Variants in SLCO2A1 observed in about 807,000 individuals in gnomAD.
SLCO2A1 encodes solute carrier organic anion transporter family member 2A1, also known as matrin F/G 1.
SLCO2A1 carries 60 observed loss-of-function variants against 71.7 expected under a neutral mutation model. That is an observed-to-expected ratio of 0.84 (90% confidence interval 0.68 to 1.04). The LOEUF is 1.04. SLCO2A1 is among the 50% of genes least tolerant of loss of function. The pLI, the probability that SLCO2A1 is intolerant of heterozygous loss-of-function variation, is 0.00. For missense variants in SLCO2A1, 745 were observed against 813.4 expected (o/e 0.92, Z 1.02); for synonymous variants, 308 against 326.7 (o/e 0.94, Z 0.62).
chr3:134,012,491 G>C (rs564016771), intron 1 of SLCO2A1, among the ~76,000 whole-genome samples: 1 of 152,284 alleles, frequency 6.6e-6, no homozygotes, highest in South Asian at 2.1e-4. Flanking sequence ...GGATTCCTGC[G>C]TCTTTGAGCA....
chr3:134,005,582 C>T (rs1003991025), intron 1 of SLCO2A1, among the ~76,000 whole-genome samples: 2 of 150,964 alleles, frequency 1.3e-5, no homozygotes, highest in Non-Finnish European at 2.9e-5. Context: ...CCCGGGTTCA[C>T]GCCATTCTCC....
rs144828386 is a variant in SLCO2A1 at position 133,953,888 on chromosome 3, C to T, written c.626-127G>A. ...GTTCCCAAGCCTGATAAGCCCACAC[C>T]TGTGGCATCTCCCACCAGCAAGGCC... On this transcript the variant is annotated intron_variant, in intron 4 of 13. Coordinates refer to ENST00000310926, the MANE Select transcript of SLCO2A1 (RefSeq NM_005630.3). 2.3e-3 allele frequency: 1,617 copies of T among 698,792 alleles called. 4 individuals carry two copies. Among genetic ancestry groups the T allele is most frequent in the Non-Finnish European group, 3.1e-3 (1,221 of 390,738 alleles). 43.3% of individuals were successfully genotyped at this position (698,792 alleles called of 1,614,324 possible). A position where few individuals can be genotyped will look rare whatever the true frequency, so the allele number is the denominator to read the frequency against.
At chr3:133,958,540 G>A (rs1469252844) in intron 3 of SLCO2A1, among the ~76,000 whole-genome samples, 8 of 152,224 alleles carry the variant, frequency 5.3e-5, no homozygotes, top group Non-Finnish European at 1.2e-4. Context: ...AAATAGGCAT[G>A]TAGGGGAAAG....
At chr3:133,951,453 A>G (rs936987424) in intron 5 of SLCO2A1, 109 bp from the exon 6 acceptor site, 9 of 1,306,864 alleles carry the variant, frequency 6.9e-6, no homozygotes, top group Middle Eastern at 5.4e-4. Flanking sequence ...CCCAGGATGC[A>G]GAAGAGGCAA....
chr3:133,935,659 C>T, intron 13 of SLCO2A1, 115 bp downstream of exon 13: 1 of 1,286,530 alleles, frequency 7.8e-7, no homozygotes, highest in South Asian at 2.2e-5. Flanking sequence ...GGTGGCCCTT[C>T]ATGTTCTCTT....
intron 11 of SLCO2A1, among the ~76,000 whole-genome samples, chr3:133,938,898 A>T (rs1254213117): frequency 6.6e-6 from 1 of 151,966 alleles, no homozygotes; most frequent in Non-Finnish European, 1.5e-5. Context: ...AGGAGTGGAG[A>T]GAAGGATGCT....
chr3:133,936,273 C>T (rs1045076748), intron 12 of SLCO2A1, among the ~76,000 whole-genome samples: 3 of 152,110 alleles, frequency 2.0e-5, no homozygotes, highest in African/African-American at 4.8e-5. Context: ...ACACTGGCCC[C>T]GAGGTGTGGG....
intron 6 of SLCO2A1, 164 bp downstream of exon 6, chr3:133,951,044 C>T: frequency 2.2e-6 from 2 of 891,236 alleles, no homozygotes; most frequent in Non-Finnish European, 1.8e-6. Context: ...TCACCAACAC[C>T]CTCACCTCTT....
intron 3 of SLCO2A1, among the ~76,000 whole-genome samples, chr3:133,966,053 C>T (rs765167198): frequency 2.0e-5 from 3 of 152,200 alleles, no homozygotes; most frequent in Non-Finnish European, 4.4e-5. Context: ...GCTTCAGCTC[C>T]AGATGCCTGA....
At position 133,973,807 on chromosome 3, in the gene SLCO2A1, T is replaced by C. The variant is rs387907296; in HGVS notation, c.253A>G (p.Ile85Val). The change falls in exon 3 of 14, where the codon ATC becomes GTC. Residue 85 changes from isoleucine (I) to valine (V), a missense_variant. Physicochemically the swap from Ile to Val is conservative, Grantham distance 29. Transcript: ENST00000310926. ...SLNEISNAIL[I>V]IFVSYFGSRV... ...CTGCCAAAGTAGCTGACAAAGATGA[T>C]GAGGATGGCATTGCTGATCTGAGAA... 2.5e-6 allele frequency: 4 copies of C among 1,613,466 alleles called. No individual in the cohort carries two copies. The highest frequency in any genetic ancestry group is 2.2e-5 in the East Asian group (1 of 44,852).
At chr3:133,937,477 C>T (rs1329534654) in intron 12 of SLCO2A1, among the ~76,000 whole-genome samples, 3 of 152,190 alleles carry the variant, frequency 2.0e-5, no homozygotes, top group African/African-American at 4.8e-5. Context: ...CAAGGGCTCC[C>T]GCTCACCTGG....
intron 1 of SLCO2A1, among the ~76,000 whole-genome samples, chr3:133,996,260 A>G (rs1189916409): frequency 6.6e-6 from 1 of 152,222 alleles, no homozygotes; most frequent in Non-Finnish European, 1.5e-5. Flanking sequence ...AGCCACTCTG[A>G]GAAGACCTCC....
chr3:133,986,258 G>A (rs1005363383), intron 1 of SLCO2A1, among the ~76,000 whole-genome samples: 5 of 150,918 alleles, frequency 3.3e-5, no homozygotes, highest in African/African-American at 1.2e-4. Context: ...ACAGTTTTTT[G>A]TTTTTTGTTT....
intron 1 of SLCO2A1, among the ~76,000 whole-genome samples, chr3:134,019,601 G>A (rs1276038357): frequency 1.3e-5 from 2 of 152,058 alleles, no homozygotes. Flanking sequence ...AATCCTTTTT[G>A]AGCCCCATGA....
intron 1 of SLCO2A1, among the ~76,000 whole-genome samples, chr3:133,999,269 C>G (rs1935051301): frequency 6.6e-6 from 1 of 152,204 alleles, no homozygotes; most frequent in Non-Finnish European, 1.5e-5. Context: ...CCTGTGATGA[C>G]TGAAATGGTG....
chr3:133,972,339 A>G (rs1934344276), intron 3 of SLCO2A1, among the ~76,000 whole-genome samples: 1 of 152,196 alleles, frequency 6.6e-6, no homozygotes, highest in Non-Finnish European at 1.5e-5. Flanking sequence ...AGGATGCAGC[A>G]TAAAGCACTG....
At chr3:133,987,743 G>A (rs1934750465) in intron 1 of SLCO2A1, among the ~76,000 whole-genome samples, 1 of 152,214 alleles carries the variant, frequency 6.6e-6, no homozygotes. Flanking sequence ...CCACTAGGAT[G>A]CAACTTCTCT....
intron 1 of SLCO2A1, among the ~76,000 whole-genome samples, chr3:134,024,979 A>T (rs568763660): frequency 6.6e-6 from 1 of 152,188 alleles, no homozygotes; most frequent in South Asian, 2.1e-4. Flanking sequence ...CTTAAACATC[A>T]GTAGACTGTG....
intron 2 of SLCO2A1, among the ~76,000 whole-genome samples, chr3:133,974,695 G>C (rs1440041288): frequency 1.3e-5 from 2 of 152,176 alleles, no homozygotes; most frequent in Non-Finnish European, 2.9e-5. Flanking sequence ...GAAGGCTCCA[G>C]CATGGGGAGT....
Sources: allele counts gnomAD v4.1 joint callset (sites outside exome capture counted in the v4.1 genomes callset), GRCh38; gene constraint gnomAD v4.1.1; transcripts MANE v1.5; gene names NCBI Gene and HGNC (gene_info 2026-07-23, HGNC 2026-07-21).